LBP: variants seen among roughly 807,000 people sequenced by gnomAD.
LBP encodes lipopolysaccharide binding protein.
A neutral mutation model predicts 56.6 loss-of-function variants in LBP; 53 were observed. The observed-to-expected ratio is 0.94, with a 90% CI of 0.75 to 1.18. The LOEUF is 1.18. Among genes scored for constraint, LBP ranks in the 50% most tolerant of loss-of-function variants. LBP has a pLI of 0.00. For missense variants in LBP, 601 were observed against 598.3 expected (o/e 1.00, Z -0.05); for synonymous variants, 227 against 247.5 (o/e 0.92, Z 0.78).
intron 13 of LBP, among the ~76,000 whole-genome samples, chr20:38,373,419 A>G (rs1220243245): frequency 6.6e-6 from 1 of 152,206 alleles, no homozygotes; most frequent in Non-Finnish European, 1.5e-5. Flanking sequence ...CATCCTGAAG[A>G]GGCAGGTCAA....
intron 5 of LBP, among the ~76,000 whole-genome samples, chr20:38,356,755 T>C (rs1243621113): frequency 6.6e-6 from 1 of 152,246 alleles, no homozygotes; most frequent in African/African-American, 2.4e-5. Context: ...TATTATTGTA[T>C]AACTATTCTG....
chr20:38,368,118 AT>A lies in LBP; in HGVS notation c.982-869del, dbSNP rs1016437187. Among the ~76,000 whole-genome samples the A allele has an allele frequency of 3.9e-5, 6 of 152,166 alleles. No individual in the cohort carries two copies. In the South Asian group the frequency reaches 6.2e-4, roughly 16 times the overall value. ...AAAGAGTAATACGAGAAAATTAAATATTTTTTTTAAAAAAGAAATGGTGGGA... is the reference window on the plus strand; with the variant it reads ...AAAGAGTAATACGAGAAAATTAAATATTTTTTTAAAAAAGAAATGGTGGGA... On this transcript the variant is annotated intron_variant, in intron 9 of 14. Coordinates refer to ENST00000217407, the MANE Select transcript of LBP (RefSeq NM_004139.5).
At position 38,355,815 on chromosome 20, in the gene LBP, G is replaced by A. The variant is rs918313285; in HGVS notation, c.588+406G>A. 1.1e-3 allele frequency among the ~76,000 whole-genome samples: 164 copies of A among 152,186 alleles called. 1 individual carries two copies. Among genetic ancestry groups the A allele is most frequent in the African/African-American group, 3.6e-3 (151 of 41,482 alleles). ...GGCGTGGGCCAGGTGGGAACTGGGC[G>A]AGCTCATGAGCACCAGCCCTGGATG... On this transcript the variant is annotated intron_variant, in intron 5 of 14. Transcript: ENST00000217407.
intron 5 of LBP, among the ~76,000 whole-genome samples, chr20:38,357,914 T>C (rs1292744617): frequency 1.3e-5 from 2 of 152,216 alleles, no homozygotes; most frequent in African/African-American, 4.8e-5. Context: ...GCCAATGTAT[T>C]ATAATTAACA....
chr20:38,356,216 A>G (rs1019431368), intron 5 of LBP, among the ~76,000 whole-genome samples: 4 of 3,502 alleles, frequency 1.1e-3, no homozygotes, highest in Non-Finnish European at 4.2e-3. Context: ...CCACACAAAC[A>G]CACACACCCC....
chr20:38,358,471 C>T (rs76658360), intron 5 of LBP, among the ~76,000 whole-genome samples: 2,454 of 152,238 alleles, frequency 0.016, 78 homozygotes, highest in African/African-American at 0.054. Flanking sequence ...TGATGGGCTA[C>T]TGTCTGAAGG....
rs112589166 is a variant in LBP, at chr20:38,350,940, G to A, written c.368+1G>A. 4.3e-6 allele frequency: 7 copies of A among 1,613,084 alleles called. No individual in the cohort carries two copies. In the South Asian group the frequency reaches 7.7e-5, roughly 18 times the overall value. ...GGTGGAAGGTGCGCAAGTCATTCTT[G>A]TAAGTTGGCTCTGCTCCCAGGCCCT... On this transcript the variant is annotated splice_donor_variant, in intron 3 of 14. Transcript: ENST00000217407. LOFTEE classifies it high-confidence loss of function.
At chr20:38,356,106 C>A (rs1403396829) in intron 5 of LBP, among the ~76,000 whole-genome samples, 31 of 97,496 alleles carry the variant, frequency 3.2e-4, no homozygotes, top group Non-Finnish European at 5.6e-4. Flanking sequence ...CACTCCCTCC[C>A]AGCACACACA....
Position 38,373,957 on chromosome 20 carries a change from C to T in LBP, c.1345C>T (p.Pro449Ser). 1.2e-6 allele frequency: 2 copies of T among 1,614,152 alleles called. No homozygotes were observed. The highest frequency in any genetic ancestry group is 1.7e-6 in the Non-Finnish European group (2 of 1,180,016). The change falls in exon 14 of 15, where the codon CCC becomes TCC. Residue 449 changes from proline (P) to serine (S), a missense_variant. Physicochemically the swap from Pro to Ser is moderately conservative, Grantham distance 74 (BLOSUM62 -1). Transcript: ENST00000217407. ...TCTAGATAAGTTGGCCGAAGGCTTC[C>T]CCCTTCCTCTGCTGAAGCGTGTTCA... The part of the protein sequence containing the change: ...KFNDKLAEGF[P>S]LPLLKRVQLY...
At chr20:38,350,107 A>T (rs1609800) in intron 2 of LBP, among the ~76,000 whole-genome samples, 57,331 of 152,016 alleles carry the variant, frequency 0.38, 11,723 homozygotes, top group Non-Finnish European at 0.46. Flanking sequence ...TCTTCAAAAG[A>T]TTACTAGACT....
intron 6 of LBP, among the ~76,000 whole-genome samples, chr20:38,362,661 G>A (rs2076865313): frequency 6.6e-6 from 1 of 151,020 alleles, no homozygotes; most frequent in Non-Finnish European, 1.5e-5. Context: ...TAAAATATGA[G>A]GTCAGGTCAG....
intron 5 of LBP, among the ~76,000 whole-genome samples, chr20:38,356,686 T>A (rs1041434129): frequency 6.6e-6 from 1 of 152,228 alleles, no homozygotes; most frequent in Non-Finnish European, 1.5e-5. Context: ...ATTATCACAG[T>A]AATCACATAC....
At chr20:38,372,989 C>G (rs2076905569) in intron 12 of LBP, 83 bp from the exon 13 acceptor site, 5 of 1,204,084 alleles carry the variant, frequency 4.2e-6, no homozygotes, top group Non-Finnish European at 6.2e-6. Context: ...TTGCTTTTCC[C>G]AAGCGTTTTG....
intron 11 of LBP, 62 bp from the exon 12 acceptor site, chr20:38,371,217 AC>A (rs2076899560): frequency 7.3e-7 from 1 of 1,366,742 alleles, no homozygotes; most frequent in Non-Finnish European, 1.0e-6. Flanking sequence ...GCTTCTGGGG[AC>A]CCCCGCATTG....
At chr20:38,351,468 G>T (rs753435614) in intron 3 of LBP, among the ~76,000 whole-genome samples, 1 of 152,100 alleles carries the variant, frequency 6.6e-6, no homozygotes, top group Non-Finnish European at 1.5e-5. Context: ...GCTTCCAGGG[G>T]CTCTGGCTCT....
At chr20:38,359,721 G>C (rs1333551204) in intron 5 of LBP, among the ~76,000 whole-genome samples, 10 of 152,236 alleles carry the variant, frequency 6.6e-5, no homozygotes, top group African/African-American at 2.4e-4. Flanking sequence ...GTAGGGCCCA[G>C]TTGGACTTTT....
Position 38,360,682 on chromosome 20 carries a change from AT to A in LBP, c.589-20del, listed in dbSNP as rs773666979. On this transcript the variant is annotated intron_variant, in intron 5 of 14. Coordinates refer to ENST00000217407, the MANE Select transcript of LBP (RefSeq NM_004139.5). ...CCAGAGCTGGGGAACTCACTCAGTC[AT>A]TCTCTTCCCATGTTTTTCAGATTTG... 34 of 1,581,674 alleles carry A rather than the reference AT, an allele frequency of 2.1e-5. No homozygotes were observed. The Admixed American group carries it at 5.7e-4, about 26-fold the overall frequency.
At chr20:38,360,842 A>G (rs1237279350) in intron 6 of LBP, 75 bp downstream of exon 6, 1 of 1,154,444 alleles carries the variant, frequency 8.7e-7, no homozygotes, top group African/African-American at 1.6e-5. Flanking sequence ...ATCTTATAAA[A>G]TAGTAAATGG....
At chr20:38,364,814 T>A in intron 8 of LBP, 62 bp downstream of exon 8, 1 of 1,449,458 alleles carries the variant, frequency 6.9e-7, no homozygotes, top group Non-Finnish European at 9.4e-7. Flanking sequence ...CTTCCTTCTT[T>A]CCTTTTCACC....
Sources: allele counts gnomAD v4.1 joint callset (sites outside exome capture counted in the v4.1 genomes callset), GRCh38; gene constraint gnomAD v4.1.1; transcripts MANE v1.5; gene names NCBI Gene and HGNC (gene_info 2026-07-23, HGNC 2026-07-21).